The following PAK2 variants were observed in gnomAD, a reference collection of about 807,000 sequenced individuals.
PAK2 encodes serine/threonine-protein kinase PAK 2.
PAK2 carries 21 observed loss-of-function variants against 65.9 expected under a neutral mutation model. That is an observed-to-expected ratio of 0.32 (90% CI 0.23 to 0.46). PAK2 has a LOEUF of 0.46. Among genes scored for constraint, PAK2 ranks in the 20% least tolerant of loss-of-function variants. The pLI is 1.00. For synonymous variants in PAK2, 204 were observed against 219.7 expected (o/e 0.93, Z 0.63); for missense variants, 324 against 642.6 (o/e 0.50, Z 5.36).
chr3:196,824,419 G>C (rs1406302243), intron 13 of PAK2, among the ~76,000 whole-genome samples: 1 of 152,142 alleles, frequency 6.6e-6, no homozygotes, highest in Non-Finnish European at 1.5e-5. Context: ...CAGGCAACTG[G>C]AACGGACAGA....
rs1560102479 is a variant in PAK2 at position 196,782,761 on chromosome 3, C to A, written c.115C>A (p.Pro39Thr). The change falls in exon 2 of 15, where the codon CCT becomes ACT. Residue 39 changes from proline (P) to threonine (T), a missense_variant. Physicochemically the swap from Pro to Thr is conservative, Grantham distance 38. Coordinates refer to ENST00000327134, the MANE Select transcript of PAK2 (RefSeq NM_002577.4). ...TTTGTCAGCCAATCACAGTTTGAAACCTTTGCCCTCTGTTCCAGAAGAGAA... is the reference window on the plus strand; with the variant it reads ...TTTGTCAGCCAATCACAGTTTGAAAACTTTGCCCTCTGTTCCAGAAGAGAA... ...DPLSANHSLK[P>T]LPSVPEEKKP... 6.2e-7 allele frequency: 1 copy of A among 1,613,440 alleles called. No homozygotes were observed. The highest frequency in any genetic ancestry group is 8.5e-7 in the Non-Finnish European group (1 of 1,179,472).
chr3:196,750,661 GT>G (rs1560089247), intron 1 of PAK2, among the ~76,000 whole-genome samples: 2 of 149,450 alleles, frequency 1.3e-5, no homozygotes, highest in African/African-American at 4.9e-5. Context: ...TTAAAATTGC[GT>G]GTAGTTTATT....
At chr3:196,740,411 C>T (rs1310704720) in intron 1 of PAK2, among the ~76,000 whole-genome samples, 1 of 152,168 alleles carries the variant, frequency 6.6e-6, no homozygotes, top group Non-Finnish European at 1.5e-5. Context: ...CTGACTCTTC[C>T]TGGACCCAGC....
At chr3:196,751,642 C>T (rs1368586053) in intron 1 of PAK2, among the ~76,000 whole-genome samples, 1 of 115,284 alleles carries the variant, frequency 8.7e-6, no homozygotes, top group Admixed American at 9.5e-5. Flanking sequence ...GCAAGACTGT[C>T]CCCCCAAAAA....
intron 11 of PAK2, among the ~76,000 whole-genome samples, chr3:196,815,224 C>T (rs1306517979): frequency 6.6e-6 from 1 of 151,476 alleles, no homozygotes; most frequent in Non-Finnish European, 1.5e-5. Context: ...GAAGTGGTGG[C>T]TCATGCCTGT....
chr3:196,763,065 C>A (rs1267814933), intron 1 of PAK2, among the ~76,000 whole-genome samples: 1 of 152,000 alleles, frequency 6.6e-6, no homozygotes, highest in Non-Finnish European at 1.5e-5. Flanking sequence ...TGAGATAGAC[C>A]CCCCACCCCC....
chr3:196,820,714 T>C lies in PAK2; in HGVS notation c.1350+147T>C. The stretch of plus-strand genomic sequence containing the variant: ...CCCCTAACTCTGCATCTAGAAATCA[T>C]TTGCTCTCTGAGTTACAAATTAATG... On this transcript the variant is annotated intron_variant, in intron 13 of 14. Coordinates refer to ENST00000327134, the MANE Select transcript of PAK2 (RefSeq NM_002577.4). This position sits in a 1 kb window ranked among gnomAD's most constrained non-coding sequence, Gnocchi z 4.6. The C allele has an allele frequency of 2.2e-6, 1 of 454,126 alleles. No homozygotes were observed. The highest frequency in any genetic ancestry group is 3.9e-6 in the Non-Finnish European group (1 of 256,824). The allele number at this position is 454,126 out of a possible 1,614,324, so 28.1% of individuals were successfully genotyped here.
intron 11 of PAK2, among the ~76,000 whole-genome samples, chr3:196,815,537 C>T (rs1179339805): frequency 4.6e-5 from 7 of 151,274 alleles, no homozygotes; most frequent in Non-Finnish European, 8.8e-5. Context: ...GCCTGTAATA[C>T]CAGCACTTTG....
chr3:196,761,826 C>CG lies in PAK2; in HGVS notation c.-21-20794dup, dbSNP rs1358293964. The stretch of plus-strand genomic sequence containing the variant: ...CTCCCGGATGGGGCGGCTGGCCGGG[C>CG]GGGGGGCTGACCCCCCCCCACCTCC... On this transcript the variant is annotated intron_variant, in intron 1 of 14. Coordinates refer to ENST00000327134, the MANE Select transcript of PAK2 (RefSeq NM_002577.4). Among the ~76,000 whole-genome samples the CG allele has an allele frequency of 1.9e-3, 185 of 97,008 alleles. 1 individual carries two copies. Among genetic ancestry groups the CG allele is most frequent in the African/African-American group, 6.1e-3 (152 of 24,774 alleles). 63.6% of individuals were successfully genotyped at this position (97,008 alleles called of 152,430 possible).
intron 1 of PAK2, among the ~76,000 whole-genome samples, chr3:196,742,233 C>T (rs1713220957): frequency 6.6e-6 from 1 of 151,388 alleles, no homozygotes; most frequent in African/African-American, 2.4e-5. Context: ...GGATTACAGG[C>T]ACGCGCCACC....
chr3:196,756,008 C>T (rs1471308103), intron 1 of PAK2, among the ~76,000 whole-genome samples: 1 of 152,160 alleles, frequency 6.6e-6, no homozygotes, highest in African/African-American at 2.4e-5. Context: ...TCTGCCTTGG[C>T]CTCCCAAAGT....
chr3:196,819,714 T>A (rs1273754261), intron 12 of PAK2, among the ~76,000 whole-genome samples: 2 of 152,150 alleles, frequency 1.3e-5, no homozygotes, highest in South Asian at 2.1e-4. Context: ...TAAATGAACA[T>A]TGAGTACTAC....
intron 2 of PAK2, among the ~76,000 whole-genome samples, chr3:196,799,908 G>C (rs9843906): frequency 1 from 152,340 of 152,360 alleles, 76,160 homozygotes; most frequent in Middle Eastern, 1. Flanking sequence ...GCTACTGCTC[G>C]CAGCCAGCTT....
chr3:196,803,752 C>A (rs192208883), intron 4 of PAK2, among the ~76,000 whole-genome samples: 234 of 152,280 alleles, frequency 1.5e-3, no homozygotes, highest in African/African-American at 5.5e-3. Flanking sequence ...GCAAATTTTA[C>A]TTTCTGGATG....
chr3:196,782,809 T>G lies in PAK2; in HGVS notation c.163T>G (p.Ser55Ala). ...GAAAAAGCCCAGGCATAAAATCATC[T>G]CCATATTCTCAGGCACAGAGAAAGG... is the stretch of plus-strand genomic sequence containing the variant. The part of the protein sequence containing the change: ...EEKKPRHKII[S>A]IFSGTEKGSK... Residue 55 changes from serine to alanine, a missense_variant, in exon 2 of 15, where the codon TCC becomes GCC. By Grantham distance (99) the Ser-to-Ala change is moderately conservative (BLOSUM62 1). Around this residue, in one of 5 missense-constraint regions of PAK2, gnomAD observed 42 missense variants for 67.4 expected, o/e 0.62. Coordinates refer to ENST00000327134, the MANE Select transcript of PAK2 (RefSeq NM_002577.4). 6.2e-7 allele frequency: 1 copy of G among 1,611,950 alleles called. No homozygotes were observed. The highest frequency in any genetic ancestry group is 8.5e-7 in the Non-Finnish European group (1 of 1,179,028).
chr3:196,778,176 C>CT (rs1443857816), intron 1 of PAK2, among the ~76,000 whole-genome samples: 1 of 152,152 alleles, frequency 6.6e-6, no homozygotes, highest in Non-Finnish European at 1.5e-5. Context: ...CCTTTTATGG[C>CT]TTTTTTCACT....
chr3:196,785,180 C>T (rs964368082), intron 2 of PAK2: 4 of 152,126 alleles, frequency 2.6e-5, no homozygotes, highest in African/African-American at 4.8e-5. Flanking sequence ...GTATAGTGGA[C>T]GACACTAAAT....
At position 196,755,327 on chromosome 3, in the gene PAK2, G is replaced by A. The variant is rs1286096467; in HGVS notation, c.-22+15170G>A. 3.9e-5 allele frequency among the ~76,000 whole-genome samples: 6 copies of A among 152,110 alleles called. No individual in the cohort carries two copies. In the East Asian group the frequency reaches 1.2e-3, roughly 29 times the overall value. On this transcript the variant is annotated intron_variant, in intron 1 of 14. Coordinates refer to ENST00000327134, the MANE Select transcript of PAK2 (RefSeq NM_002577.4). ...TTTGCATCTGTTTGATAAATCTAGTGAGGCTGAAAATTTTTCCTATGTCTA... is the reference window on the plus strand; with the variant it reads ...TTTGCATCTGTTTGATAAATCTAGTAAGGCTGAAAATTTTTCCTATGTCTA...
At chr3:196,794,982 C>G (rs1406060812) in intron 2 of PAK2, among the ~76,000 whole-genome samples, 2 of 152,200 alleles carry the variant, frequency 1.3e-5, no homozygotes, top group African/African-American at 4.8e-5. Context: ...TACAGAGACT[C>G]TCTAAGCAAA....
Sources: gnomAD v4.1 joint callset for allele counts (sites outside exome capture counted in the v4.1 genomes callset) on GRCh38, gnomAD v4.1.1 for gene constraint, gnomAD v4.1.1 regional missense constraint, Gnocchi (gnomAD v3.1) non-coding constraint, MANE v1.5 for transcripts, NCBI Gene and HGNC (gene_info 2026-07-23, HGNC 2026-07-21) for gene names.